Variants in UNC80 observed in about 807,000 individuals in gnomAD.
UNC80 encodes the protein protein unc-80 homolog.
Under a neutral mutation model 384.6 loss-of-function variants are expected in UNC80, and 164 were observed. The ratio of observed to expected loss-of-function variants is 0.43; its 90% confidence interval spans 0.38 to 0.49. UNC80 has a LOEUF of 0.49. UNC80 is among the 20% of genes least tolerant of loss of function. The pLI, the probability that UNC80 is intolerant of heterozygous loss-of-function variation, is 0.00. For missense variants in UNC80, 3,330 were observed against 4,143.0 expected (o/e 0.80, Z 5.39); for synonymous variants, 1,486 against 1,527.8 (o/e 0.97, Z 0.64).
intron 22 of UNC80, among the ~76,000 whole-genome samples, chr2:209,860,367 C>G (rs1411509135): frequency 6.6e-6 from 1 of 152,182 alleles, no homozygotes; most frequent in Non-Finnish European, 1.5e-5. Context: ...TCCGAGGTCT[C>G]TGTTCTGCTC....
chr2:209,912,251 C>T (rs898055887), intron 29 of UNC80, among the ~76,000 whole-genome samples: 2 of 152,050 alleles, frequency 1.3e-5, no homozygotes, highest in African/African-American at 4.8e-5. Flanking sequence ...GATCCTTGTC[C>T]TTTCCTTTTT....
At chr2:209,772,215 C>A (rs1351424639) in intron 1 of UNC80, 51 bp downstream of exon 1, 5 of 1,185,558 alleles carry the variant, frequency 4.2e-6, no homozygotes, top group Admixed American at 4.0e-5. Context: ...GGGGGCGCTC[C>A]TGGGGCCGCC....
In UNC80 at chr2:209,921,519, C is replaced by G. The variant is rs2090039661; in HGVS notation, c.5363C>G (p.Ala1788Gly). 3.9e-6 allele frequency: 6 copies of G among 1,537,942 alleles called. No homozygotes were observed. The highest frequency in any genetic ancestry group is 5.3e-6 in the Non-Finnish European group (6 of 1,139,746). The change falls in exon 34 of 65, where the codon GCT becomes GGT. Residue 1788 changes from alanine (A) to glycine (G), a missense_variant. Physicochemically the swap from Ala to Gly is moderately conservative, Grantham distance 60. This residue lies in a region of UNC80 where 1,049 missense variants were observed against 1,488.6 expected (regional missense o/e 0.70). Transcript: ENST00000673920. ...CCACAGAAATCCTTTTCAGCCCGGGCTGTGTCCCGCTCCCATCAAAGGGCA... is the reference window on the plus strand; with the variant it reads ...CCACAGAAATCCTTTTCAGCCCGGGGTGTGTCCCGCTCCCATCAAAGGGCA... ...EDQSKSFSAR[A>G]VSRSHQRAEH...
In UNC80 at chr2:209,817,969, G is replaced by T; in HGVS notation, c.1693+17G>T. ...TCAAGGAAGGTGGGTAGGAGGTGGG[G>T]CCTACGGGCAGGAGTTCAGAGTTCT... On this transcript the variant is annotated intron_variant, in intron 11 of 64. Transcript: ENST00000673920. 1.3e-6 allele frequency: 2 copies of T among 1,551,304 alleles called. No homozygotes were observed. Among genetic ancestry groups the T allele is most frequent in the Non-Finnish European group, 1.7e-6 (2 of 1,146,758 alleles).
chr2:209,971,236 C>T (rs74581487), intron 54 of UNC80, among the ~76,000 whole-genome samples: 1,524 of 152,202 alleles, frequency 0.01, 15 homozygotes, highest in Non-Finnish European at 0.017. Flanking sequence ...AATAATGGTT[C>T]ACAGATAATC....
At position 209,933,777 on chromosome 2, in the gene UNC80, C is replaced by T. The variant is rs367978481; in HGVS notation, c.5995-45C>T. On this transcript the variant is annotated intron_variant, in intron 38 of 64. Transcript: ENST00000673920. ...AGCTAAGGAAATGAGAATGTGAGCT[C>T]GGGATTATTGTAGCTTTGTGAACTC... 1,630 of 1,473,724 alleles carry T rather than the reference C, an allele frequency of 1.1e-3. 3 individuals are homozygous for T. Among genetic ancestry groups the T allele is most frequent in the Non-Finnish European group, 1.4e-3 (1,539 of 1,097,472 alleles). 91.3% of individuals were successfully genotyped at this position (1,473,724 alleles called of 1,614,324 possible). A position where few individuals can be genotyped will look rare whatever the true frequency, so the allele number is the denominator to read the frequency against.
intron 40 of UNC80, 72 bp from the exon 41 acceptor site, chr2:209,936,772 C>A: frequency 1.9e-6 from 2 of 1,046,556 alleles, no homozygotes; most frequent in Non-Finnish European, 2.9e-6. Context: ...AAATTTGTAT[C>A]TGTCACCTTA....
intron 22 of UNC80, among the ~76,000 whole-genome samples, chr2:209,856,797 T>TTTC (rs1263256506): frequency 3.3e-5 from 5 of 151,826 alleles, no homozygotes; most frequent in African/African-American, 1.2e-4. Flanking sequence ...TATTTATTTT[T>TTTC]TCGTTTTTGA....
chr2:209,830,548 G>A (rs2080880778), intron 15 of UNC80, among the ~76,000 whole-genome samples: 3 of 152,126 alleles, frequency 2.0e-5, no homozygotes, highest in Admixed American at 2.0e-4. Context: ...TTACTTTAAG[G>A]TGATAAATTC....
intron 47 of UNC80, among the ~76,000 whole-genome samples, chr2:209,953,040 T>C (rs1012445342): frequency 2.6e-5 from 4 of 152,190 alleles, no homozygotes; most frequent in Admixed American, 6.5e-5. Flanking sequence ...AAAATCTTGA[T>C]TTCAGATTCT....
At chr2:209,803,814 C>T (rs962042249) in intron 7 of UNC80, among the ~76,000 whole-genome samples, 9 of 152,096 alleles carry the variant, frequency 5.9e-5, no homozygotes, top group Admixed American at 3.3e-4. Flanking sequence ...CTCACTGTAA[C>T]CTCAGACTCC....
intron 56 of UNC80, among the ~76,000 whole-genome samples, chr2:209,974,927 A>G (rs2092973340): frequency 6.6e-6 from 1 of 151,960 alleles, no homozygotes; most frequent in Non-Finnish European, 1.5e-5. Context: ...GTTGTTTTTT[A>G]TTTGTTTGTT....
At chr2:209,838,777 C>T (rs970488630) in intron 18 of UNC80, among the ~76,000 whole-genome samples, 2 of 152,024 alleles carry the variant, frequency 1.3e-5, no homozygotes, top group East Asian at 1.9e-4. Flanking sequence ...CTGGCTAACA[C>T]GGTGAAACCC....
chr2:209,910,649 CTTTT>C (rs540625562), intron 29 of UNC80, among the ~76,000 whole-genome samples: 3 of 104,354 alleles, frequency 2.9e-5, no homozygotes, highest in Admixed American at 1.1e-4. Context: ...AAATGCTCAT[CTTTT>C]TTTTTTTTTT....
chr2:209,829,535 G>C (rs1351445316), intron 15 of UNC80, among the ~76,000 whole-genome samples, 156 bp downstream of exon 15: 3 of 152,116 alleles, frequency 2.0e-5, no homozygotes, highest in Non-Finnish European at 4.4e-5. Context: ...GTATAAACAA[G>C]AAAAGCTTGC....
chr2:209,842,529 T>C, intron 21 of UNC80, 83 bp downstream of exon 21: 1 of 975,298 alleles, frequency 1.0e-6, no homozygotes, highest in Non-Finnish European at 1.5e-6. Context: ...GTCCATTTTC[T>C]ATTTTCATTG....
intron 22 of UNC80, among the ~76,000 whole-genome samples, chr2:209,869,682 C>T (rs1255990359): frequency 1.3e-5 from 2 of 152,108 alleles, no homozygotes; most frequent in Non-Finnish European, 2.9e-5. Context: ...GAAACAGTGA[C>T]ATTTCCAAAC....
intron 18 of UNC80, among the ~76,000 whole-genome samples, chr2:209,837,560 G>T (rs2081408471): frequency 6.6e-6 from 1 of 151,944 alleles, no homozygotes; most frequent in African/African-American, 2.4e-5. Flanking sequence ...TAAACCATTT[G>T]ATTGTTACCT....
chr2:209,922,359 G>C lies in UNC80; in HGVS notation c.5638G>C (p.Val1880Leu), dbSNP rs1470387156. Reference sequence around the variant, plus strand: ...CTTCCGCCGCGGGTCAGTCTGGTCAGTGCGTTCAGCCGTCAGTGCTGAAGG... The same window carrying C: ...CTTCCGCCGCGGGTCAGTCTGGTCACTGCGTTCAGCCGTCAGTGCTGAAGG... ...YSFRRGSVWS[V>L]RSAVSAEDEE... Residue 1880 changes from valine to leucine, a missense_variant, in exon 35 of 65, where the codon GTG becomes CTG. Around this residue, in one of 8 missense-constraint regions of UNC80, gnomAD observed 1,049 missense variants for 1,488.6 expected, o/e 0.70. Transcript: ENST00000673920. The C allele has an allele frequency of 1.9e-6, 3 of 1,551,666 alleles. No individual in the cohort carries two copies. Among genetic ancestry groups the C allele is most frequent in the Non-Finnish European group, 2.6e-6 (3 of 1,146,972 alleles).
Sources: allele counts gnomAD v4.1 joint callset (sites outside exome capture counted in the v4.1 genomes callset), GRCh38; gene constraint gnomAD v4.1.1; regional missense constraint gnomAD v4.1.1; transcripts MANE v1.5; gene names NCBI Gene and HGNC (gene_info 2026-07-23, HGNC 2026-07-21).